ZBTB45: variants seen among roughly 807,000 people sequenced by gnomAD.
ZBTB45 encodes zinc finger and BTB domain-containing protein 45.
A neutral mutation model predicts 28.4 loss-of-function variants in ZBTB45; 22 were observed. The ratio of observed to expected loss-of-function variants is 0.77; its 90% CI spans 0.55 to 1.10. The LOEUF (loss-of-function observed/expected upper bound fraction) is 1.10. Among genes scored for constraint, ZBTB45 ranks in the 50% least tolerant of loss-of-function variants. ZBTB45 has a pLI of 0.00. For missense variants in ZBTB45, 656 were observed against 750.2 expected, an observed-to-expected ratio of 0.87 and a Z score of 1.47; for synonymous variants, 361 against 332.3, an observed-to-expected ratio of 1.09 and a Z score of -0.94.
At chr19:58,523,451 C>T (rs976534375), upstream of ZBTB45, among the ~76,000 whole-genome samples, 13 of 151,710 alleles carry the variant, frequency 8.6e-5, no homozygotes, top group African/African-American at 2.9e-4. Flanking sequence ...GAGGCTGAGA[C>T]AGGTGGATCA....
chr19:58,524,435 A>ATGTATGTGTG (rs141879636), upstream of ZBTB45, among the ~76,000 whole-genome samples: 1 of 138,260 alleles, frequency 7.2e-6, no homozygotes, highest in African/African-American at 2.7e-5. Context: ...GTGTTCATAT[A>ATGTATGTGTG]TGTGTGTGTG....
chr19:58,532,025 T>G (rs762640404), intron 1 of ZBTB45, among the ~76,000 whole-genome samples: 13 of 151,672 alleles, frequency 8.6e-5, no homozygotes, highest in Non-Finnish European at 1.6e-4. Context: ...TCTCCTGTCC[T>G]CCCCCCTCCT....
At chr19:58,532,331 T>C (rs1340775507) in intron 1 of ZBTB45, among the ~76,000 whole-genome samples, 1 of 152,162 alleles carries the variant, frequency 6.6e-6, no homozygotes, top group Non-Finnish European at 1.5e-5. Context: ...TACCTGGAAT[T>C]ATTTGGTGCG....
At chr19:58,521,385 G>A (rs7260485), upstream of ZBTB45, among the ~76,000 whole-genome samples, 53,504 of 115,730 alleles carry the variant, frequency 0.46, 12,434 homozygotes, top group East Asian at 0.59. Context: ...AAAAAAAAAA[G>A]AAAGAAAGAA....
chr19:58,517,023 C>T lies in ZBTB45; in HGVS notation c.651G>A (p.Glu217=). 1 of 1,613,306 alleles carries T rather than the reference C, an allele frequency of 6.2e-7. No homozygotes were observed. Among genetic ancestry groups the T allele is most frequent in the East Asian group, 2.2e-5 (1 of 44,872 alleles). ...CACCTTCGCCATCCTCGCCATCGGT[C>T]TCATCGTCACTTTCCTCGTCATCCT... ...GDEDDEESDD[E]TDGEDGEGGG... Residue 217 remains glutamate (E), a synonymous_variant, in exon 2 of 3, where the codon GAG becomes GAA. Transcript: ENST00000594051.
upstream of ZBTB45, among the ~76,000 whole-genome samples, chr19:58,520,921 A>G (rs1266444664): frequency 6.6e-6 from 1 of 151,368 alleles, no homozygotes; most frequent in African/African-American, 2.4e-5. Context: ...GCGTGGTGGC[A>G]GGCGCCTGTA....
chr19:58,537,578 C>T (rs553263750), intron 1 of ZBTB45, among the ~76,000 whole-genome samples: 2 of 152,244 alleles, frequency 1.3e-5, no homozygotes, highest in East Asian at 3.9e-4. Context: ...CCACTCCTCA[C>T]TATTGCCTCC....
intron 1 of ZBTB45, among the ~76,000 whole-genome samples, chr19:58,537,392 CCTCT>C (rs2053665405): frequency 1.3e-5 from 2 of 152,078 alleles, no homozygotes; most frequent in African/African-American, 4.8e-5. Context: ...TCTTACAATA[CCTCT>C]CTATTGTGCA....
chr19:58,527,972 CG>C (rs1014408125), intron 1 of ZBTB45, among the ~76,000 whole-genome samples: 1 of 152,150 alleles, frequency 6.6e-6, no homozygotes, highest in Non-Finnish European at 1.5e-5. Context: ...CGTGGCAGTA[CG>C]TGCCTGTAAT....
rs780722192 is a variant in ZBTB45 at position 58,516,997 on chromosome 19, C to T, written c.677G>A (p.Gly226Asp). 29 of 1,613,174 alleles carry T rather than the reference C, an allele frequency of 1.8e-5. No individual in the cohort carries two copies. In the Middle Eastern group the frequency reaches 6.6e-4, roughly 37 times the overall value. Residue 226 changes from glycine to aspartate, a missense_variant, in exon 2 of 3, where the codon GGC becomes GAC. Gly to Asp is a moderately conservative substitution (Grantham distance 94). Around this residue, in one of 3 missense-constraint regions of ZBTB45, gnomAD observed 448 missense variants for 444.3 expected, o/e 1.01. Coordinates refer to ENST00000594051, the MANE Select transcript of ZBTB45 (RefSeq NM_001316979.2). This position sits in a 1 kb window ranked among gnomAD's most constrained non-coding sequence, Gnocchi z 6.2. ...DETDGEDGEGGGPGEGQAPPS... is the reference protein window; with the variant it reads ...DETDGEDGEGDGPGEGQAPPS... The stretch of plus-strand genomic sequence containing the variant: ...AGGTGCCTGGCCCTCGCCTGGGCCG[C>T]CACCTTCGCCATCCTCGCCATCGGT...
At position 58,536,909 on chromosome 19, in the gene ZBTB45, C is replaced by T. The variant is rs571101297; in HGVS notation, c.-1+1792G>A. On this transcript the variant is annotated intron_variant, in intron 1 of 1. Coordinates refer to the ZBTB45 transcript ENST00000600130. ...CCTGTCTGCAAAGCCAAAATATTGACAGTTCACAGTGGTCCAGGACTGGGA... is the reference window on the plus strand; with the variant it reads ...CCTGTCTGCAAAGCCAAAATATTGATAGTTCACAGTGGTCCAGGACTGGGA... 3.9e-5 allele frequency among the ~76,000 whole-genome samples: 6 copies of T among 152,270 alleles called. No individual in the cohort carries two copies. In the South Asian group the frequency reaches 1.2e-3, roughly 32 times the overall value.
At chr19:58,528,420 G>A (rs1368657223) in intron 1 of ZBTB45, among the ~76,000 whole-genome samples, 4 of 150,832 alleles carry the variant, frequency 2.7e-5, no homozygotes, top group African/African-American at 7.3e-5. Context: ...CTGAGATCGC[G>A]CCACTGCACT....
upstream of ZBTB45, chr19:58,519,868 C>G (rs2053563255): frequency 1.3e-5 from 2 of 152,330 alleles, no homozygotes; most frequent in Admixed American, 6.5e-5. Context: ...CAGGGGAAAC[C>G]CTAGGCCGAA....
chr19:58,519,812 C>A (rs1459666438), upstream of ZBTB45: 2 of 152,430 alleles, frequency 1.3e-5, no homozygotes, highest in East Asian at 1.9e-4. Flanking sequence ...GGCCGCACTT[C>A]CGGGCCGTTA....
intron 1 of ZBTB45, among the ~76,000 whole-genome samples, chr19:58,537,896 G>A (rs1215440509): frequency 6.6e-6 from 1 of 150,974 alleles, no homozygotes. Context: ...GGAGTGCAAT[G>A]GCCGGATCTC....
rs1002196012 is a variant in ZBTB45, at chr19:58,515,753, T to C, written c.1279+642A>G. 3.3e-5 allele frequency among the ~76,000 whole-genome samples: 5 copies of C among 152,100 alleles called. No individual in the cohort carries two copies. Among genetic ancestry groups the C allele is most frequent in the African/African-American group, 1.2e-4 (5 of 41,434 alleles). ...GCCCCCAGGGAGCATCCTCACCACA[T>C]TCCCCAGTACCACCCTCCCACTCTT... On this transcript the variant is annotated intron_variant, in intron 2 of 2. Transcript: ENST00000594051. The surrounding 1 kb of genome is among the most constrained non-coding windows in gnomAD (Gnocchi z 4.7).
intron 1 of ZBTB45, among the ~76,000 whole-genome samples, chr19:58,529,419 A>G (rs974956778): frequency 6.6e-6 from 1 of 152,222 alleles, no homozygotes; most frequent in South Asian, 2.1e-4. Flanking sequence ...CCCTATCTCA[A>G]TAAATACACA....
In ZBTB45 at chr19:58,517,704, G is replaced by A; in HGVS notation, c.1-31C>T. 3 of 1,588,560 alleles carry A rather than the reference G, an allele frequency of 1.9e-6. No individual in the cohort carries two copies. The South Asian group carries it at 3.4e-5, about 18-fold the overall frequency. On this transcript the variant is annotated intron_variant, in intron 1 of 2. Transcript: ENST00000594051. ...CAGAACAAGAGGAGGGCAGGGAGAG[G>A]TCAACTGAGGACCCCCATCTGTCCC...
At position 58,514,065 on chromosome 19, in the gene ZBTB45, G is replaced by A. The variant is rs770294566; in HGVS notation, c.1525C>T (p.Pro509Ser). ...ALLERHLAAH[P>S]AP ...AGGCCCCAGCGCCATCAGGGCGCAGGGTGCGCCGCCAGGTGGCGCTCCAGC... is the reference window on the plus strand; with the variant it reads ...AGGCCCCAGCGCCATCAGGGCGCAGAGTGCGCCGCCAGGTGGCGCTCCAGC... Residue 509 changes from proline to serine, a missense_variant, in exon 3 of 3, where the codon CCT becomes TCT. This residue lies in a region of ZBTB45 where 103 missense variants were observed against 153.5 expected (regional missense o/e 0.67). Transcript: ENST00000594051. The A allele has an allele frequency of 1.3e-6, 2 of 1,492,566 alleles. No homozygotes were observed. Among genetic ancestry groups the A allele is most frequent in the African/African-American group, 1.4e-5 (1 of 70,166 alleles). The allele number at this position is 1,492,566 out of a possible 1,614,324, so 92.5% of individuals were successfully genotyped here. A position where few individuals can be genotyped will look rare whatever the true frequency, so the allele number is the denominator to read the frequency against.
Sources: allele counts gnomAD v4.1 joint callset (sites outside exome capture counted in the v4.1 genomes callset), GRCh38; gene constraint gnomAD v4.1.1; regional missense constraint gnomAD v4.1.1; non-coding constraint Gnocchi (gnomAD v3.1); transcripts MANE v1.5; gene names NCBI Gene and HGNC (gene_info 2026-07-23, HGNC 2026-07-21).